RERE: variants seen among roughly 807,000 people sequenced by gnomAD.
The protein encoded by RERE is arginine-glutamic acid dipeptide repeats.
A neutral mutation model predicts 146.1 loss-of-function variants in RERE; 40 were observed. The observed-to-expected ratio is 0.27, with a 90% CI of 0.21 to 0.36. The LOEUF (loss-of-function observed/expected upper bound fraction) is 0.36, where lower values mean the gene tolerates loss of function less well. RERE is among the 10% of genes least tolerant of loss of function. RERE has a pLI of 1.00. For synonymous variants in RERE, 1,003 were observed against 866.0 expected (o/e 1.16, Z -2.78); for missense variants, 1,933 against 2,138.7 (o/e 0.90, Z 1.90).
intron 10 of RERE, among the ~76,000 whole-genome samples, chr1:8,486,672 C>G (rs1644902939): frequency 6.9e-6 from 1 of 144,858 alleles, no homozygotes; most frequent in Non-Finnish European, 1.5e-5. Flanking sequence ...AAACCAAACT[C>G]TAAAGAGATC....
In RERE at chr1:8,624,395, G is replaced by T. The variant is rs1452565577; in HGVS notation, c.326-15C>A. 6 of 1,584,872 alleles carry T rather than the reference G, an allele frequency of 3.8e-6. No individual in the cohort carries two copies. In the Admixed American group the frequency reaches 6.7e-5, roughly 18 times the overall value. ...ATACACACAGTCTTTAAAAGAAAAA[G>T]AAATTTTAAAACAATGGCATTTACC... is the stretch of plus-strand genomic sequence containing the variant. On this transcript the variant is annotated splice_polypyrimidine_tract_variant and intron_variant, in intron 2 of 22. Transcript: ENST00000400908.
At chr1:8,647,980 G>A (rs1421334682) in intron 2 of RERE, among the ~76,000 whole-genome samples, 1 of 152,112 alleles carries the variant, frequency 6.6e-6, no homozygotes, top group Non-Finnish European at 1.5e-5. Flanking sequence ...TTACTGAAGT[G>A]TAATACATAT....
At chr1:8,716,108 G>T (rs183739724) in intron 1 of RERE, among the ~76,000 whole-genome samples, 1 of 151,414 alleles carries the variant, frequency 6.6e-6, no homozygotes, top group African/African-American at 2.4e-5. Context: ...TCAAGCCACT[G>T]CACTCCTTCC....
intron 1 of RERE, chr1:8,750,367 T>A (rs2124515535): frequency 3.1e-6 from 2 of 641,372 alleles, no homozygotes; most frequent in East Asian, 2.7e-5. Flanking sequence ...TCATTCAACA[T>A]CTGTGAGTGT....
chr1:8,496,925 G>C (rs552605324), intron 9 of RERE, among the ~76,000 whole-genome samples: 1 of 152,332 alleles, frequency 6.6e-6, no homozygotes, highest in South Asian at 2.1e-4. Context: ...TGCAGAACGT[G>C]TCGGTTTGTT....
Position 8,674,927 on chromosome 1 carries a change from A to G in RERE, c.-144-18486T>C, listed in dbSNP as rs1284012744. 2.0e-5 allele frequency among the ~76,000 whole-genome samples: 3 copies of G among 152,208 alleles called. No homozygotes were observed. The East Asian group carries it at 5.8e-4, about 29-fold the overall frequency. ...ACCAGAGAACATAAATCCCAAAAGC[A>G]ACTGACAAATGCAACCTGGGAGGCT... On this transcript the variant is annotated intron_variant, in intron 1 of 22. Transcript: ENST00000400908.
At chr1:8,710,785 G>A (rs1383905017) in intron 1 of RERE, among the ~76,000 whole-genome samples, 1 of 152,126 alleles carries the variant, frequency 6.6e-6, no homozygotes, top group Non-Finnish European at 1.5e-5. Flanking sequence ...AAAGTGCTGG[G>A]ATTACAGGCG....
At chr1:8,465,684 C>T (rs1048846235) in intron 11 of RERE, 2 of 602,478 alleles carry the variant, frequency 3.3e-6, no homozygotes, top group Admixed American at 4.5e-5. Context: ...TCAATTTCTC[C>T]TTTCTTTCCA....
At chr1:8,549,705 G>A (rs1019856501) in intron 6 of RERE, among the ~76,000 whole-genome samples, 3 of 152,204 alleles carry the variant, frequency 2.0e-5, no homozygotes, top group Non-Finnish European at 4.4e-5. Context: ...AAACCTGGCA[G>A]AAGCCACATT....
chr1:8,496,770 GATAA>G (rs1645052082), intron 9 of RERE, among the ~76,000 whole-genome samples: 1 of 152,220 alleles, frequency 6.6e-6, no homozygotes, highest in Admixed American at 6.5e-5. Context: ...GGTGATCACA[GATAA>G]ATATTCTCAT....
chr1:8,618,983 T>C (rs1646887151), intron 3 of RERE, among the ~76,000 whole-genome samples: 1 of 152,138 alleles, frequency 6.6e-6, no homozygotes, highest in South Asian at 2.1e-4. Flanking sequence ...AACTTATGAG[T>C]ACAGACCAGG....
At position 8,559,304 on chromosome 1, in the gene RERE, A is replaced by AAAAAAAAAAAAAAAC. The variant is rs754733974; in HGVS notation, c.523-1782_523-1781insGTTTTTTTTTTTTTT. Reference sequence around the variant, plus strand: ...TCAAAAAAAAAAAAAAAAAAAAAAAACAGAACAAAACAAAACAAAAAACCA... The same window carrying AAAAAAAAAAAAAAAC: ...TCAAAAAAAAAAAAAAAAAAAAAAAAAAAAAAAAAAAAAACCAGAACAAAACAAAACAAAAAACCA... On this transcript the variant is annotated intron_variant, in intron 4 of 22. Coordinates refer to ENST00000400908, the MANE Select transcript of RERE (RefSeq NM_001042681.2). Among the ~76,000 whole-genome samples the AAAAAAAAAAAAAAAC allele has an allele frequency of 3.8e-5, 5 of 130,182 alleles. No homozygotes were observed. The East Asian group carries it at 9.5e-4, about 25-fold the overall frequency. The allele number at this position is 130,182 out of a possible 152,430, so 85.4% of individuals were successfully genotyped here. A position where few individuals can be genotyped will look rare whatever the true frequency, so the allele number is the denominator to read the frequency against.
At chr1:8,485,378 G>T (rs1201183247) in intron 10 of RERE, among the ~76,000 whole-genome samples, 8 of 151,878 alleles carry the variant, frequency 5.3e-5, no homozygotes. Context: ...AAGACATACG[G>T]CTAAAGTTTT....
At chr1:8,790,317 G>A (rs543369875) in intron 1 of RERE, among the ~76,000 whole-genome samples, 1 of 152,246 alleles carries the variant, frequency 6.6e-6, no homozygotes, top group Admixed American at 6.5e-5. Flanking sequence ...CCTAATGTGG[G>A]CAAACCCCAC....
At chr1:8,370,803 T>C (rs1048068360) in intron 12 of RERE, among the ~76,000 whole-genome samples, 1 of 152,194 alleles carries the variant, frequency 6.6e-6, no homozygotes, top group Admixed American at 6.5e-5. Context: ...CCGCTGCACA[T>C]AAATTCAGGG....
chr1:8,401,038 CATAT>C (rs59752248), intron 12 of RERE, among the ~76,000 whole-genome samples: 2,069 of 57,332 alleles, frequency 0.036, 109 homozygotes, highest in African/African-American at 0.089. Flanking sequence ...AAAAAAAAAC[CATAT>C]ATATATATAT....
intron 10 of RERE, among the ~76,000 whole-genome samples, chr1:8,470,426 T>G (rs1644665978): frequency 6.6e-6 from 1 of 151,908 alleles, no homozygotes; most frequent in Non-Finnish European, 1.5e-5. Flanking sequence ...CACGCCCGGC[T>G]AATTTTTTGT....
intron 2 of RERE, among the ~76,000 whole-genome samples, chr1:8,634,892 C>T (rs1399577686): frequency 2.0e-5 from 3 of 152,094 alleles, no homozygotes; most frequent in African/African-American, 4.8e-5. Flanking sequence ...CCCACCACCA[C>T]GCCCGGCTAA....
At chr1:8,355,917 C>T (rs565286266) in intron 21 of RERE, among the ~76,000 whole-genome samples, 183 bp downstream of exon 21, 1 of 152,236 alleles carries the variant, frequency 6.6e-6, no homozygotes, top group South Asian at 2.1e-4. Context: ...TTTATGACCC[C>T]TACCCCAGAC....
Sources: gnomAD v4.1 joint callset for allele counts (sites outside exome capture counted in the v4.1 genomes callset) on GRCh38, gnomAD v4.1.1 for gene constraint, MANE v1.5 for transcripts, NCBI Gene and HGNC (gene_info 2026-07-23, HGNC 2026-07-21) for gene names.